Variants in MED27 observed in about 807,000 individuals in gnomAD.
MED27 encodes the protein mediator complex subunit 27.
MED27 carries 30 observed loss-of-function variants against 38.2 expected under a neutral mutation model. The observed-to-expected ratio is 0.79, with a 90% CI of 0.59 to 1.07. The LOEUF is 1.07. MED27 is among the 50% of genes least tolerant of loss of function. MED27 has a pLI of 0.00. For missense variants in MED27, 289 were observed against 397.5 expected (o/e 0.73, Z 2.32); for synonymous variants, 122 against 153.5 (o/e 0.79, Z 1.52).
chr9:131,907,477 A>G (rs1830088744), intron 4 of MED27, among the ~76,000 whole-genome samples: 1 of 152,158 alleles, frequency 6.6e-6, no homozygotes, highest in Non-Finnish European at 1.5e-5. Context: ...GCCTCCGCCT[A>G]CCGAGGTGCC....
chr9:132,017,948 T>C (rs897028146), intron 2 of MED27, among the ~76,000 whole-genome samples: 3 of 152,216 alleles, frequency 2.0e-5, no homozygotes, highest in African/African-American at 7.2e-5. Context: ...TTTAGTCTTA[T>C]TGAACACGTA....
At position 131,997,088 on chromosome 9, in the gene MED27, T is replaced by C. The variant is rs544565257; in HGVS notation, c.479+17249A>G. 1.7e-3 allele frequency among the ~76,000 whole-genome samples: 262 copies of C among 152,242 alleles called. 11 individuals carry two copies. The South Asian group carries it at 0.053, about 31-fold the overall frequency. On this transcript the variant is annotated intron_variant, in intron 3 of 7. Coordinates refer to ENST00000292035, the MANE Select transcript of MED27 (RefSeq NM_004269.4). This position sits in a 1 kb window ranked among gnomAD's most constrained non-coding sequence, Gnocchi z 4.0. Reference sequence around the variant, plus strand: ...GTAGTTTAACAGTGGGTATTCATTGTAAAAAATAAAATTAAAATTAAAAGC... The same window carrying C: ...GTAGTTTAACAGTGGGTATTCATTGCAAAAAATAAAATTAAAATTAAAAGC...
rs550377926 is a variant in MED27, at chr9:131,970,271, C to T, written c.480-30797G>A. 2.8e-3 allele frequency among the ~76,000 whole-genome samples: 425 copies of T among 152,332 alleles called. 1 individual carries two copies. The highest frequency in any genetic ancestry group is 9.7e-3 in the African/African-American group (403 of 41,596). On this transcript the variant is annotated intron_variant, in intron 3 of 7. Transcript: ENST00000292035. ...GCTGGGAGCAGAACTCAAACAAAGC[C>T]GGCGGGACGCCCGGAGTGGAAGGAG...
chr9:131,998,057 G>C (rs1832131878), intron 3 of MED27, among the ~76,000 whole-genome samples: 1 of 152,072 alleles, frequency 6.6e-6, no homozygotes, highest in African/African-American at 2.4e-5. Context: ...CAGGGCCACA[G>C]AGCACCAAAG....
chr9:131,995,885 T>G lies in MED27; in HGVS notation c.479+18452A>C, dbSNP rs80338160. On this transcript the variant is annotated intron_variant, in intron 3 of 7. Coordinates refer to ENST00000292035, the MANE Select transcript of MED27 (RefSeq NM_004269.4). ...ACCTTTTTATGGTGCTCTCCCCTAA[T>G]AGGAAGAATACTTGGGTCTGGGAGT... 6.6e-4 allele frequency among the ~76,000 whole-genome samples: 100 copies of G among 152,294 alleles called. 1 individual carries two copies. Among genetic ancestry groups the G allele is most frequent in the African/African-American group, 2.4e-3 (99 of 41,564 alleles).
rs184765297 is a variant in MED27 at position 132,051,253 on chromosome 9, T to C, written c.348+26189A>G. Among the ~76,000 whole-genome samples, 153 of 152,338 alleles carry C rather than the reference T, an allele frequency of 1.0e-3. 1 individual carries two copies. Among genetic ancestry groups the C allele is most frequent in the African/African-American group, 3.6e-3 (148 of 41,576 alleles). On this transcript the variant is annotated intron_variant, in intron 2 of 7. Transcript: ENST00000292035. This position sits in a 1 kb window ranked among gnomAD's most constrained non-coding sequence, Gnocchi z 4.2. ...CCCTAATAACATTTCGGCCACTCAT[T>C]TGCATTCCAGTAAGCTTTCCTGAGT...
chr9:131,978,334 GATTTT>G (rs1309716268), intron 3 of MED27, among the ~76,000 whole-genome samples: 1 of 152,080 alleles, frequency 6.6e-6, no homozygotes, highest in Non-Finnish European at 1.5e-5. Context: ...TCAAGAAGTG[GATTTT>G]ATTTGGATCC....
At chr9:132,077,669 T>G in intron 1 of MED27, 83 bp from the exon 2 acceptor site, 3 of 1,395,756 alleles carry the variant, frequency 2.1e-6, no homozygotes, top group Non-Finnish European at 2.9e-6. Context: ...CAAAGACTGC[T>G]CTTCAAACCA....
intron 2 of MED27, among the ~76,000 whole-genome samples, chr9:132,023,715 T>C (rs2131091112): frequency 6.6e-6 from 1 of 151,980 alleles, no homozygotes; most frequent in South Asian, 2.1e-4. Flanking sequence ...GGAAAGACAG[T>C]GAAGAGAAAC....
chr9:131,875,008 G>C (rs1296384286), intron 6 of MED27, among the ~76,000 whole-genome samples: 1 of 152,194 alleles, frequency 6.6e-6, no homozygotes, highest in African/African-American at 2.4e-5. Flanking sequence ...CTGCAGAGCT[G>C]GGAGAGAGAC....
At chr9:131,899,819 T>C (rs772900905) in intron 4 of MED27, among the ~76,000 whole-genome samples, 6 of 152,196 alleles carry the variant, frequency 3.9e-5, no homozygotes, top group Non-Finnish European at 7.3e-5. Flanking sequence ...CGTATCTGCA[T>C]GCACCAGGTT....
At chr9:131,968,473 A>AAC (rs1278448429) in intron 3 of MED27, among the ~76,000 whole-genome samples, 10 of 8,204 alleles carry the variant, frequency 1.2e-3, no homozygotes, top group African/African-American at 0.01. Flanking sequence ...CCCTGTCTCA[A>AAC]AAAAAAAAAA....
intron 3 of MED27, among the ~76,000 whole-genome samples, chr9:131,947,817 C>T (rs1342249361): frequency 1.3e-5 from 2 of 152,150 alleles, no homozygotes; most frequent in African/African-American, 4.8e-5. Context: ...TTCATTTTCT[C>T]CACCCGTACA....
chr9:131,895,863 C>T (rs941329366), intron 4 of MED27, among the ~76,000 whole-genome samples: 16 of 150,476 alleles, frequency 1.1e-4, no homozygotes, highest in African/African-American at 3.7e-4. Flanking sequence ...ATGGAGCCTA[C>T]TGGAAGAAAG....
rs558483220 is a variant in MED27, at chr9:131,998,824, A to C, written c.479+15513T>G. On this transcript the variant is annotated intron_variant, in intron 3 of 7. Transcript: ENST00000292035. ...TCCATGTTAACTGACAGGAAGAAGG[A>C]GGGAAAAGGAAATTGGTGGCTTTGA... Among the ~76,000 whole-genome samples, 16 of 152,224 alleles carry C rather than the reference A, an allele frequency of 1.1e-4. No homozygotes were observed. In the East Asian group the frequency reaches 2.7e-3, roughly 26 times the overall value.
chr9:132,016,711 C>G (rs979452795), intron 2 of MED27, among the ~76,000 whole-genome samples: 2 of 152,180 alleles, frequency 1.3e-5, no homozygotes, highest in African/African-American at 2.4e-5. Context: ...GGCTTTCCTC[C>G]TTTGTATTTA....
chr9:131,957,503 C>T (rs747799534), intron 3 of MED27, among the ~76,000 whole-genome samples: 3 of 152,082 alleles, frequency 2.0e-5, no homozygotes, highest in Non-Finnish European at 4.4e-5. Context: ...CGAGCCTCCC[C>T]CTTTGGCCTC....
intron 5 of MED27, among the ~76,000 whole-genome samples, chr9:131,890,343 T>C (rs1025549765): frequency 3.9e-5 from 6 of 152,178 alleles, no homozygotes; most frequent in Admixed American, 2.6e-4. Context: ...GGCCAACGCA[T>C]ACAGTTGTAA....
At chr9:132,021,350 T>C (rs1237397216) in intron 2 of MED27, among the ~76,000 whole-genome samples, 1 of 152,120 alleles carries the variant, frequency 6.6e-6, no homozygotes, top group African/African-American at 2.4e-5. Flanking sequence ...ATGACTCACA[T>C]ATCTGAATGA....
Sources: allele counts gnomAD v4.1 joint callset (sites outside exome capture counted in the v4.1 genomes callset), GRCh38; gene constraint gnomAD v4.1.1; non-coding constraint Gnocchi (gnomAD v3.1); transcripts MANE v1.5; gene names NCBI Gene and HGNC (gene_info 2026-07-23, HGNC 2026-07-21).